Variants in LRRC28 observed in about 807,000 individuals in gnomAD.
LRRC28 encodes the protein leucine-rich repeat-containing protein 28.
Under a neutral mutation model 45.7 loss-of-function variants are expected in LRRC28, and 39 were observed. The ratio of observed to expected loss-of-function variants is 0.85; its 90% CI spans 0.66 to 1.12. LRRC28 has a LOEUF of 1.12. Among genes scored for constraint, LRRC28 ranks in the 50% most tolerant of loss-of-function variants. The pLI is 0.00. For synonymous variants in LRRC28, 206 were observed against 178.8 expected (o/e 1.15, Z -1.22); for missense variants, 435 against 438.5 (o/e 0.99, Z 0.07).
intron 5 of LRRC28, among the ~76,000 whole-genome samples, chr15:99,290,526 A>G (rs972397310): frequency 4.6e-5 from 7 of 152,240 alleles, no homozygotes; most frequent in African/African-American, 1.7e-4. Context: ...AAAATGTATC[A>G]GTAAAGATAA....
At position 99,370,334 on chromosome 15, in the gene LRRC28, CATT is replaced by C. The variant is rs768200466; in HGVS notation, c.1031+7072_1031+7074del. 5.8e-4 allele frequency among the ~76,000 whole-genome samples: 88 copies of C among 152,286 alleles called. 3 individuals carry two copies. The highest frequency in any genetic ancestry group is 2.3e-3 in the East Asian group (12 of 5,188). ...AAATACAAAATTAAATATTCTCTAA[CATT>C]ATGAACAAGGTACTTTCGAAATATA... On this transcript the variant is annotated intron_variant, in intron 9 of 9. Transcript: ENST00000301981.
chr15:99,276,531 A>G, intron 2 of LRRC28, 45 bp from the exon 3 acceptor site: 2 of 1,462,968 alleles, frequency 1.4e-6, no homozygotes, highest in Non-Finnish European at 1.8e-6. Context: ...AAATGTTTAG[A>G]CATTTTTCAA....
At chr15:99,367,336 C>T (rs373965307) in intron 9 of LRRC28, among the ~76,000 whole-genome samples, 1 of 152,200 alleles carries the variant, frequency 6.6e-6, no homozygotes, top group Non-Finnish European at 1.5e-5. Flanking sequence ...GTTTATTTGG[C>T]TCATGCTTTT....
chr15:99,268,720 G>A (rs1377360934), intron 2 of LRRC28, among the ~76,000 whole-genome samples: 1 of 152,106 alleles, frequency 6.6e-6, no homozygotes, highest in African/African-American at 2.4e-5. Context: ...TTCAAGCTAG[G>A]TGTAATCTTA....
intron 2 of LRRC28, chr15:99,258,854 C>T (rs1394534562): frequency 1.6e-5 from 11 of 703,028 alleles, no homozygotes; most frequent in South Asian, 2.7e-5. Context: ...GCTCTATGTG[C>T]GCTGTGTATT....
intron 5 of LRRC28, among the ~76,000 whole-genome samples, chr15:99,321,887 A>G (rs1424402619): frequency 6.6e-6 from 1 of 152,148 alleles, no homozygotes; most frequent in Non-Finnish European, 1.5e-5. Context: ...ATGTAAATAA[A>G]TGAATAAGTA....
chr15:99,273,386 A>G (rs778425017), intron 2 of LRRC28, among the ~76,000 whole-genome samples: 16 of 151,916 alleles, frequency 1.1e-4, no homozygotes, highest in Non-Finnish European at 2.1e-4. Flanking sequence ...ACAGGCACTC[A>G]CCACCACGCC....
chr15:99,259,063 T>C (rs558560984), intron 2 of LRRC28: 2 of 987,116 alleles, frequency 2.0e-6, no homozygotes, highest in African/African-American at 3.2e-5. Flanking sequence ...ACAATGATAC[T>C]TTTTGGAAAG....
intron 5 of LRRC28, among the ~76,000 whole-genome samples, chr15:99,309,992 C>G (rs1597312175): frequency 1.3e-5 from 2 of 152,144 alleles, no homozygotes; most frequent in South Asian, 4.1e-4. Context: ...CTCGGGACAT[C>G]TTGTGCCAGA....
intron 2 of LRRC28, among the ~76,000 whole-genome samples, chr15:99,270,091 A>G (rs908492496): frequency 1.8e-4 from 27 of 152,340 alleles, no homozygotes; most frequent in African/African-American, 5.3e-4. Flanking sequence ...CCACAGTTTT[A>G]AAAAATCTGG....
chr15:99,373,080 G>T (rs767738931), intron 9 of LRRC28, among the ~76,000 whole-genome samples: 22 of 152,078 alleles, frequency 1.4e-4, no homozygotes, highest in Admixed American at 6.5e-5. Context: ...GGGGATTATG[G>T]GAATTACAAT....
chr15:99,255,357 TAAAAA>T (rs34994335), intron 1 of LRRC28, among the ~76,000 whole-genome samples: 1 of 148,850 alleles, frequency 6.7e-6, no homozygotes, highest in South Asian at 2.1e-4. Context: ...ACCCTGTCTC[TAAAAA>T]AAAATAAGAA....
At chr15:99,321,772 C>T (rs941407452) in intron 5 of LRRC28, among the ~76,000 whole-genome samples, 9 of 152,174 alleles carry the variant, frequency 5.9e-5, no homozygotes, top group Non-Finnish European at 1.2e-4. Flanking sequence ...ATGTGCTAGA[C>T]TCTGCTAGGT....
chr15:99,334,910 A>G (rs1267013041), intron 6 of LRRC28, among the ~76,000 whole-genome samples: 4 of 152,240 alleles, frequency 2.6e-5, no homozygotes, highest in African/African-American at 7.2e-5. Flanking sequence ...ACTAGTCCCT[A>G]AAGGAAATAT....
At position 99,386,361 on chromosome 15, in the gene LRRC28, G is replaced by A. The variant is rs371134191; in HGVS notation, c.*259G>A. Reference sequence around the variant, plus strand: ...GTCTTTTACAGAAACCATTTAGATTGATGGGCCTCCCCAAATCTAATTTAA... The same window carrying A: ...GTCTTTTACAGAAACCATTTAGATTAATGGGCCTCCCCAAATCTAATTTAA... On this transcript the variant is annotated 3_prime_UTR_variant, in exon 10 of 10. Coordinates refer to ENST00000301981, the MANE Select transcript of LRRC28 (RefSeq NM_144598.5). The A allele has an allele frequency of 1.6e-4, 62 of 385,132 alleles. No individual in the cohort carries two copies. The highest frequency in any genetic ancestry group is 2.7e-4 in the Non-Finnish European group (58 of 215,242). The allele number at this position is 385,132 out of a possible 1,614,324, so 23.9% of individuals were successfully genotyped here.
intron 3 of LRRC28, chr15:99,285,855 T>G (rs1205500872): frequency 2.6e-6 from 1 of 378,742 alleles, no homozygotes; most frequent in Non-Finnish European, 5.1e-6. Context: ...TTCCTAAAAT[T>G]AATGTTTAAA....
At chr15:99,357,578 G>A (rs1261646309) in intron 7 of LRRC28, among the ~76,000 whole-genome samples, 1 of 152,204 alleles carries the variant, frequency 6.6e-6, no homozygotes, top group Non-Finnish European at 1.5e-5. Context: ...TTGCTTAGCA[G>A]TGGGACCCAA....
At chr15:99,258,076 A>C in intron 2 of LRRC28, 1 of 1,505,382 alleles carries the variant, frequency 6.6e-7, no homozygotes, top group South Asian at 1.1e-5. Flanking sequence ...ACACTGGTGT[A>C]GGAATGACCA....
At chr15:99,347,174 C>T (rs1350513175) in intron 6 of LRRC28, among the ~76,000 whole-genome samples, 1 of 151,690 alleles carries the variant, frequency 6.6e-6, no homozygotes, top group Admixed American at 6.6e-5. Flanking sequence ...CATGATAACG[C>T]CTGTTTCAAT....
Sources: allele counts gnomAD v4.1 joint callset (sites outside exome capture counted in the v4.1 genomes callset), GRCh38; gene constraint gnomAD v4.1.1; transcripts MANE v1.5; gene names NCBI Gene and HGNC (gene_info 2026-07-23, HGNC 2026-07-21).